Variants in SPDYA observed in about 807,000 individuals in gnomAD.
The protein encoded by SPDYA is speedy/RINGO cell cycle regulator family member A.
SPDYA carries 11 observed loss-of-function variants against 36.7 expected under a neutral mutation model. The ratio of observed to expected loss-of-function variants is 0.30; its 90% confidence interval spans 0.19 to 0.50. SPDYA has a LOEUF of 0.50. Ranked by LOEUF, SPDYA falls within the 20% of genes least tolerant of loss-of-function variation. The pLI, the probability that SPDYA is intolerant of heterozygous loss-of-function variation, is 0.98. For synonymous variants in SPDYA, 115 were observed against 118.7 expected (o/e 0.97, Z 0.20); for missense variants, 287 against 370.9 (o/e 0.77, Z 1.86).
At chr2:28,817,032 A>C (rs1286183224) in intron 3 of SPDYA, among the ~76,000 whole-genome samples, 1 of 152,154 alleles carries the variant, frequency 6.6e-6, no homozygotes, top group Non-Finnish European at 1.5e-5. Flanking sequence ...AAAGCAAGCT[A>C]GTTACGATTT....
chr2:28,828,011 A>G (rs1021321146), intron 5 of SPDYA, among the ~76,000 whole-genome samples: 1 of 147,392 alleles, frequency 6.8e-6, no homozygotes, highest in Non-Finnish European at 1.5e-5. Context: ...TTTGAGACAG[A>G]GTCTCCCCGT....
intron 5 of SPDYA, among the ~76,000 whole-genome samples, chr2:28,826,644 TCTAA>T (rs1203681356): frequency 1.8e-5 from 2 of 108,722 alleles, no homozygotes; most frequent in East Asian, 6.6e-4. Context: ...TTTGAGACAG[TCTAA>T]CTGTTGCCCA....
intron 5 of SPDYA, among the ~76,000 whole-genome samples, chr2:28,823,403 A>T (rs1256887730): frequency 6.6e-6 from 1 of 151,946 alleles, no homozygotes; most frequent in Non-Finnish European, 1.5e-5. Context: ...CGGGTGGATC[A>T]TCTGAGGTCA....
chr2:28,843,196 T>C (rs763001168), intron 7 of SPDYA, among the ~76,000 whole-genome samples: 2 of 152,178 alleles, frequency 1.3e-5, no homozygotes, highest in Non-Finnish European at 2.9e-5. Flanking sequence ...GTTTATGACA[T>C]TTATTAAGAA....
intron 6 of SPDYA, among the ~76,000 whole-genome samples, chr2:28,834,876 GTTAAAA>G (rs939278032): frequency 1.1e-4 from 17 of 152,286 alleles, no homozygotes; most frequent in African/African-American, 4.1e-4. Context: ...TTTCAAAGCT[GTTAAAA>G]TTAAAAGTAG....
chr2:28,841,479 T>C (rs1668749184), intron 7 of SPDYA, among the ~76,000 whole-genome samples: 1 of 152,156 alleles, frequency 6.6e-6, no homozygotes, highest in African/African-American at 2.4e-5. Flanking sequence ...AGTGATCCTT[T>C]TTACTTACAA....
intron 7 of SPDYA, among the ~76,000 whole-genome samples, chr2:28,845,249 C>CTTT (rs372229883): frequency 7.5e-6 from 1 of 132,574 alleles, no homozygotes; most frequent in Non-Finnish European, 1.6e-5. Context: ...CCATGCCCAG[C>CTTT]TTTTTTTTTT....
At chr2:28,848,630 G>A (rs569810379) in intron 7 of SPDYA, among the ~76,000 whole-genome samples, 6 of 152,154 alleles carry the variant, frequency 3.9e-5, no homozygotes, top group East Asian at 1.9e-4. Flanking sequence ...AATGTCCTAC[G>A]TTCTATAATA....
intron 7 of SPDYA, 162 bp from the exon 8 acceptor site, chr2:28,849,688 T>A: frequency 1.9e-6 from 1 of 524,676 alleles, no homozygotes; most frequent in Non-Finnish European, 3.4e-6. Context: ...ACATCTTTTG[T>A]TACAATTTTT....
intron 7 of SPDYA, among the ~76,000 whole-genome samples, chr2:28,846,500 T>C (rs1558333806): frequency 6.6e-6 from 1 of 152,158 alleles, no homozygotes; most frequent in African/African-American, 2.4e-5. Context: ...GTAGGGCCTC[T>C]GGAAGGCATT....
At chr2:28,830,993 T>C (rs896490332) in intron 6 of SPDYA, among the ~76,000 whole-genome samples, 1 of 152,234 alleles carries the variant, frequency 6.6e-6, no homozygotes, top group Non-Finnish European at 1.5e-5. Context: ...AATTAACTTA[T>C]TCATTAATAT....
At chr2:28,829,413 C>CT (rs1668417187) in intron 6 of SPDYA, 94 bp downstream of exon 6, 2 of 1,229,870 alleles carry the variant, frequency 1.6e-6, no homozygotes, top group Non-Finnish European at 2.2e-6. Context: ...TTTTGGTATT[C>CT]TGGGTTTTTT....
At chr2:28,831,456 T>G (rs1406350058) in intron 6 of SPDYA, among the ~76,000 whole-genome samples, 1 of 152,254 alleles carries the variant, frequency 6.6e-6, no homozygotes, top group Non-Finnish European at 1.5e-5. Context: ...TTATTCCTAA[T>G]GCTTTTTCAT....
intron 6 of SPDYA, among the ~76,000 whole-genome samples, chr2:28,832,181 C>T (rs532417820): frequency 6.6e-6 from 1 of 152,152 alleles, no homozygotes; most frequent in South Asian, 2.1e-4. Context: ...AGTATTTTTC[C>T]TATCATTCTG....
chr2:28,816,371 TCCAA>T, intron 3 of SPDYA, 122 bp downstream of exon 3: 1 of 769,978 alleles, frequency 1.3e-6, no homozygotes, highest in Non-Finnish European at 1.9e-6. Flanking sequence ...ATTTCCCATC[TCCAA>T]CCAAATTTGT....
chr2:28,829,209 G>A lies in SPDYA; in HGVS notation c.442G>A (p.Ala148Thr). The A allele has an allele frequency of 6.2e-7, 1 of 1,613,928 alleles. No homozygotes were observed. Among genetic ancestry groups the A allele is most frequent in the Non-Finnish European group, 8.5e-7 (1 of 1,179,962 alleles). Reference sequence around the variant, plus strand: ...AACCAAGTACGAAATTTTTCCATGGGCTTTAGGGAAAAACTGGAGAAAATT... The same window carrying A: ...AACCAAGTACGAAATTTTTCCATGGACTTTAGGGAAAAACTGGAGAAAATT... ...EETKYEIFPW[A>T]LGKNWRKLFP... The change falls in exon 6 of 8, where the codon GCT becomes ACT. Residue 148 changes from alanine (A) to threonine (T), a missense_variant. By Grantham distance (58) the Ala-to-Thr change is moderately conservative (BLOSUM62 0). Coordinates refer to ENST00000334056, the MANE Select transcript of SPDYA (RefSeq NM_182756.4).
At chr2:28,843,469 G>C (rs1354157790) in intron 7 of SPDYA, among the ~76,000 whole-genome samples, 1 of 150,512 alleles carries the variant, frequency 6.6e-6, no homozygotes, top group Non-Finnish European at 1.5e-5. Flanking sequence ...AGAATCGCTT[G>C]AACCTGGGAG....
intron 7 of SPDYA, among the ~76,000 whole-genome samples, chr2:28,845,379 A>G (rs1243217495): frequency 6.6e-6 from 1 of 151,632 alleles, no homozygotes; most frequent in Admixed American, 6.6e-5. Flanking sequence ...TACAGATGTA[A>G]ATCACTGCAC....
rs975388557 is a variant in SPDYA, at chr2:28,819,053, G to A, written c.241G>A (p.Asp81Asn). The A allele has an allele frequency of 3.1e-6, 5 of 1,609,996 alleles. No homozygotes were observed. Among genetic ancestry groups the A allele is most frequent in the Non-Finnish European group, 4.2e-6 (5 of 1,178,002 alleles). Residue 81 changes from aspartate to asparagine, a missense_variant, in exon 4 of 8, where the codon GAT (aspartate) becomes AAT (asparagine). Transcript: ENST00000334056. The stretch of plus-strand genomic sequence containing the variant: ...ATAGCTATCTTTTGTTGTAGATGAC[G>A]ATTTAATTCAAGATTTCTTGTGGAT... Reference protein sequence around the residue: ...MTAFFKLFDDDLIQDFLWMDC... With the variant: ...MTAFFKLFDDNLIQDFLWMDC...
Sources: allele counts gnomAD v4.1 joint callset (sites outside exome capture counted in the v4.1 genomes callset), GRCh38; gene constraint gnomAD v4.1.1; transcripts MANE v1.5; gene names NCBI Gene and HGNC (gene_info 2026-07-23, HGNC 2026-07-21).